Variants in RSBN1L observed in about 807,000 individuals in gnomAD.
RSBN1L encodes the protein lysine-specific demethylase RSBN1L.
In RSBN1L, 30 loss-of-function variants were observed where a neutral mutation model predicts 67.7. That is an observed-to-expected ratio of 0.44 (90% confidence interval 0.33 to 0.60). RSBN1L has a LOEUF of 0.60. Among genes scored for constraint, RSBN1L ranks in the 20% least tolerant of loss-of-function variants. The probability of loss-of-function intolerance (pLI) is 0.02; values close to 1 mark genes in which losing one functional copy is unlikely to be tolerated. For synonymous variants in RSBN1L, 433 were observed against 387.0 expected (o/e 1.12, Z -1.39); for missense variants, 992 against 1,031.7 (o/e 0.96, Z 0.53).
intron 1 of RSBN1L, among the ~76,000 whole-genome samples, chr7:77,736,093 A>C (rs930761586): frequency 6.6e-6 from 1 of 152,138 alleles, no homozygotes; most frequent in Non-Finnish European, 1.5e-5. Context: ...GCACTTTTCC[A>C]TCGTAGCTTT....
intron 2 of RSBN1L, among the ~76,000 whole-genome samples, chr7:77,748,550 C>T (rs149401557): frequency 3.9e-5 from 6 of 152,160 alleles, no homozygotes; most frequent in Non-Finnish European, 5.9e-5. Context: ...TGCAGTGGCA[C>T]GATCTTGGCT....
intron 1 of RSBN1L, among the ~76,000 whole-genome samples, chr7:77,732,483 C>T (rs1791283834): frequency 6.6e-6 from 1 of 152,114 alleles, no homozygotes. Flanking sequence ...AAGGCACCCG[C>T]CACCATGCCC....
At chr7:77,743,059 A>T (rs1262441138) in intron 2 of RSBN1L, among the ~76,000 whole-genome samples, 3 of 149,982 alleles carry the variant, frequency 2.0e-5, no homozygotes, top group African/African-American at 4.9e-5. Flanking sequence ...TTCCATGGGA[A>T]TTTTTTTTTT....
At chr7:77,742,291 T>C (rs1483757074) in intron 2 of RSBN1L, among the ~76,000 whole-genome samples, 4 of 140,846 alleles carry the variant, frequency 2.8e-5, no homozygotes, top group Non-Finnish European at 6.2e-5. Context: ...ACAAGAAAAA[T>C]AGCACTTGGT....
chr7:77,742,737 C>T (rs370580481), intron 2 of RSBN1L, among the ~76,000 whole-genome samples: 3 of 152,038 alleles, frequency 2.0e-5, no homozygotes, highest in African/African-American at 7.3e-5. Flanking sequence ...CTCAGTTGGC[C>T]GAGGCAGGAG....
chr7:77,704,781 C>T (rs1328953577), intron 1 of RSBN1L, among the ~76,000 whole-genome samples: 5 of 151,968 alleles, frequency 3.3e-5, no homozygotes, highest in Non-Finnish European at 7.4e-5. Flanking sequence ...GAGTTCGAGA[C>T]TAGCCTGGCC....
At chr7:77,718,370 C>G (rs893754695) in intron 1 of RSBN1L, among the ~76,000 whole-genome samples, 1 of 152,148 alleles carries the variant, frequency 6.6e-6, no homozygotes, top group Admixed American at 6.5e-5. Flanking sequence ...GGTGCAATCA[C>G]GGCTTCAACT....
chr7:77,765,365 T>A (rs1466463121), intron 3 of RSBN1L, 130 bp from the exon 4 acceptor site: 1 of 707,818 alleles, frequency 1.4e-6, no homozygotes, highest in African/African-American at 1.8e-5. Flanking sequence ...TATGATATAA[T>A]ATTCTGAGAT....
At chr7:77,750,363 G>T (rs1584295352) in intron 3 of RSBN1L, among the ~76,000 whole-genome samples, 1 of 106,418 alleles carries the variant, frequency 9.4e-6, no homozygotes. Flanking sequence ...ATTTAGCCAT[G>T]TATTTTCCAG....
At chr7:77,746,424 A>G (rs968973515) in intron 2 of RSBN1L, among the ~76,000 whole-genome samples, 1 of 152,090 alleles carries the variant, frequency 6.6e-6, no homozygotes, top group African/African-American at 2.4e-5. Flanking sequence ...CCAAGGGGGA[A>G]ATTCACCCCC....
chr7:77,706,517 G>A (rs946278225), intron 1 of RSBN1L, among the ~76,000 whole-genome samples: 1 of 152,114 alleles, frequency 6.6e-6, no homozygotes, highest in Non-Finnish European at 1.5e-5. Context: ...GGCCTTAATG[G>A]TATTATATTG....
chr7:77,767,790 T>C (rs1189038690), intron 4 of RSBN1L, among the ~76,000 whole-genome samples: 1 of 48,090 alleles, frequency 2.1e-5, no homozygotes, highest in African/African-American at 8.9e-5. Flanking sequence ...CCCTCCCCCT[T>C]CTCCCTCCCC....
At chr7:77,763,383 C>A (rs1186990038) in intron 3 of RSBN1L, among the ~76,000 whole-genome samples, 1 of 152,084 alleles carries the variant, frequency 6.6e-6, no homozygotes, top group Non-Finnish European at 1.5e-5. Context: ...TCTCAAAACC[C>A]CTTATGGTCA....
chr7:77,716,973 T>C (rs914074897), intron 1 of RSBN1L, among the ~76,000 whole-genome samples: 7 of 148,408 alleles, frequency 4.7e-5, no homozygotes, highest in East Asian at 4.0e-4. Flanking sequence ...TTTTTTTTTT[T>C]CAAAGGAGAC....
At position 77,697,052 on chromosome 7, in the gene RSBN1L, C is replaced by G. The variant is rs1214563768; in HGVS notation, c.583C>G (p.Arg195Gly). ...GAACGGGGAGGTGAAGCCGCTGCCC[C>G]GAGGTGGGTGCCGTGCGGGGAGGGG... ...EENGEVKPLPRDKIKDKIKER... is the reference protein window; with the variant it reads ...EENGEVKPLPGDKIKDKIKER... Residue 195 changes from arginine (R) to glycine (G), a missense_variant, in exon 1 of 8, where the codon CGA becomes GGA. Transcript: ENST00000334955. 6 of 1,471,216 alleles carry G rather than the reference C, an allele frequency of 4.1e-6. No individual in the cohort carries two copies. Among genetic ancestry groups the G allele is most frequent in the African/African-American group, 2.8e-5 (2 of 70,580 alleles). The allele number at this position is 1,471,216 out of a possible 1,614,324, so 91.1% of individuals were successfully genotyped here. A position where few individuals can be genotyped will look rare whatever the true frequency, so the allele number is the denominator to read the frequency against.
chr7:77,729,681 A>G (rs974327777), intron 1 of RSBN1L, among the ~76,000 whole-genome samples: 2 of 152,192 alleles, frequency 1.3e-5, no homozygotes, highest in African/African-American at 4.8e-5. Context: ...GGCTGGGTGC[A>G]GTGGCTCACC....
intron 1 of RSBN1L, among the ~76,000 whole-genome samples, chr7:77,734,526 C>T (rs999114682): frequency 4.0e-5 from 6 of 151,710 alleles, no homozygotes; most frequent in African/African-American, 1.5e-4. Context: ...TCTCACTCTG[C>T]CACCCAGCCT....
At chr7:77,776,078 T>C (rs1791911144) in intron 6 of RSBN1L, among the ~76,000 whole-genome samples, 1 of 152,126 alleles carries the variant, frequency 6.6e-6, no homozygotes, top group Non-Finnish European at 1.5e-5. Context: ...TGTATTTTGC[T>C]GTTGTTAGGG....
chr7:77,697,469 C>T (rs541393659), intron 1 of RSBN1L: 2 of 162,854 alleles, frequency 1.2e-5, no homozygotes, highest in South Asian at 2.0e-4. Context: ...GTATTTGTGA[C>T]ACAGCGTTCA....
Sources: allele counts gnomAD v4.1 joint callset (sites outside exome capture counted in the v4.1 genomes callset), GRCh38; gene constraint gnomAD v4.1.1; transcripts MANE v1.5; gene names NCBI Gene and HGNC (gene_info 2026-07-23, HGNC 2026-07-21).